NCALD: variants seen among roughly 807,000 people sequenced by gnomAD.
NCALD encodes the protein neurocalcin delta.
NCALD carries 10 observed loss-of-function variants against 18.6 expected under a neutral mutation model. That is an observed-to-expected ratio of 0.54 (90% CI 0.33 to 0.91). The LOEUF (loss-of-function observed/expected upper bound fraction) is 0.91, where lower values mean the gene tolerates loss of function less well. Ranked by LOEUF, NCALD falls within the 40% of genes least tolerant of loss-of-function variation. The pLI is 0.03. For missense variants in NCALD, 184 were observed against 247.6 expected, an observed-to-expected ratio of 0.74 and a Z score of 1.72; for synonymous variants, 88 against 87.4, an observed-to-expected ratio of 1.01 and a Z score of -0.04.
upstream of NCALD, among the ~76,000 whole-genome samples, chr8:101,793,184 A>G (rs894997512): frequency 3.3e-5 from 5 of 152,018 alleles, no homozygotes; most frequent in Non-Finnish European, 7.4e-5. Context: ...CCCCGTCTCT[A>G]TTAAAAATAC....
chr8:101,858,213 C>T (rs1337679204), intron 4 of NCALD, among the ~76,000 whole-genome samples: 1 of 152,068 alleles, frequency 6.6e-6, no homozygotes, highest in Non-Finnish European at 1.5e-5. Flanking sequence ...AGAGAGATAT[C>T]AACAAAATTT....
intron 1 of NCALD, among the ~76,000 whole-genome samples, chr8:101,745,424 TACTG>T (rs1266520643): frequency 8.5e-5 from 13 of 152,308 alleles, no homozygotes; most frequent in African/African-American, 3.1e-4. Flanking sequence ...GCTTCCCTCA[TACTG>T]TGTCAGGTTT....
At chr8:101,709,996 T>C (rs1815709287) in intron 2 of NCALD, among the ~76,000 whole-genome samples, 1 of 152,196 alleles carries the variant, frequency 6.6e-6, no homozygotes, top group African/African-American at 2.4e-5. Flanking sequence ...GACAGCCAAA[T>C]AGGAACAGCT....
rs780580730 is a variant in NCALD, at chr8:101,997,978, T to C, written c.-157+22259A>G. ...TAATTACATTTCACTCCAACAGAAA[T>C]AGCCCATTAGGACAATAAGAGCATT... On this transcript the variant is annotated intron_variant, in intron 2 of 6. Coordinates refer to the NCALD transcript ENST00000311028. Among the ~76,000 whole-genome samples, 3 of 152,274 alleles carry C rather than the reference T, an allele frequency of 2.0e-5. No homozygotes were observed. The East Asian group carries it at 5.8e-4, about 29-fold the overall frequency.
chr8:101,861,262 C>G (rs190648361), intron 4 of NCALD, among the ~76,000 whole-genome samples: 1 of 151,986 alleles, frequency 6.6e-6, no homozygotes, highest in Non-Finnish European at 1.5e-5. Flanking sequence ...TTTGGGTTGT[C>G]GGTGGAGCTG....
intron 2 of NCALD, among the ~76,000 whole-genome samples, chr8:101,949,745 A>G (rs1427670632): frequency 1.3e-5 from 2 of 150,368 alleles, no homozygotes; most frequent in African/African-American, 4.9e-5. Flanking sequence ...AAATCCAGCA[A>G]CTGAATGATC....
intron 1 of NCALD, among the ~76,000 whole-genome samples, chr8:102,104,969 A>G (rs1825399389): frequency 6.6e-6 from 1 of 152,230 alleles, no homozygotes; most frequent in South Asian, 2.1e-4. Context: ...GGGATTGTTC[A>G]GCGAACAGAT....
chr8:101,914,557 A>G (rs748377079), intron 3 of NCALD, among the ~76,000 whole-genome samples: 1 of 152,188 alleles, frequency 6.6e-6, no homozygotes, highest in Non-Finnish European at 1.5e-5. Context: ...AGTATCTTAC[A>G]TACATTATTT....
intron 2 of NCALD, among the ~76,000 whole-genome samples, chr8:101,979,087 G>A (rs1489178614): frequency 6.6e-6 from 1 of 152,162 alleles, no homozygotes. Flanking sequence ...TGCTCAGAGA[G>A]CCAAACCCCA....
At chr8:102,084,768 G>A (rs1824680921) in intron 1 of NCALD, among the ~76,000 whole-genome samples, 1 of 152,194 alleles carries the variant, frequency 6.6e-6, no homozygotes, top group Admixed American at 6.5e-5. Flanking sequence ...TTATCAGGAA[G>A]CAGCTGATCA....
chr8:102,060,833 G>A (rs568681554), intron 1 of NCALD, among the ~76,000 whole-genome samples: 2 of 152,230 alleles, frequency 1.3e-5, no homozygotes, highest in African/African-American at 4.8e-5. Context: ...CAAGTGGGAA[G>A]GCAGCTAAAA....
chr8:101,828,260 C>T (rs548453002), intron 4 of NCALD, among the ~76,000 whole-genome samples: 15 of 152,188 alleles, frequency 9.9e-5, no homozygotes, highest in African/African-American at 1.7e-4. Context: ...TCCCATCTCA[C>T]GTGGAATGAA....
chr8:101,896,754 C>T (rs990636294), intron 3 of NCALD, among the ~76,000 whole-genome samples: 16 of 133,124 alleles, frequency 1.2e-4, no homozygotes, highest in Non-Finnish European at 2.4e-4. Flanking sequence ...AGCCAAAAAA[C>T]ACATGAAAAA....
At chr8:101,737,605 A>G (rs996274534) in intron 1 of NCALD, among the ~76,000 whole-genome samples, 1 of 152,248 alleles carries the variant, frequency 6.6e-6, no homozygotes, top group Non-Finnish European at 1.5e-5. Flanking sequence ...CCTATAAAGG[A>G]AGCTCGGAGG....
At chr8:102,021,992 G>A (rs1822291565) in intron 1 of NCALD, among the ~76,000 whole-genome samples, 1 of 152,186 alleles carries the variant, frequency 6.6e-6, no homozygotes, top group Non-Finnish European at 1.5e-5. Flanking sequence ...TACAGAATTA[G>A]ATGATGTATT....
chr8:102,059,759 G>C (rs565113401), intron 1 of NCALD, among the ~76,000 whole-genome samples: 1 of 152,266 alleles, frequency 6.6e-6, no homozygotes, highest in African/African-American at 2.4e-5. Flanking sequence ...GGTGAGCCCT[G>C]AACACCCCAC....
intron 2 of NCALD, among the ~76,000 whole-genome samples, chr8:101,992,835 A>T (rs1462474068): frequency 6.6e-6 from 1 of 151,872 alleles, no homozygotes; most frequent in African/African-American, 2.4e-5. Context: ...CTTATCCTTT[A>T]CTGAGCTCTT....
chr8:101,776,003 T>A (rs574448268), intron 1 of NCALD, among the ~76,000 whole-genome samples: 5 of 152,320 alleles, frequency 3.3e-5, no homozygotes, highest in African/African-American at 1.2e-4. Context: ...GTTGGGGATG[T>A]GATGGGTACG....
At chr8:101,733,285 C>T (rs1255806512) in intron 1 of NCALD, among the ~76,000 whole-genome samples, 1 of 152,142 alleles carries the variant, frequency 6.6e-6, no homozygotes, top group East Asian at 1.9e-4. Flanking sequence ...ATTTCTTAAC[C>T]TCTTGCATCT....
Sources: allele counts gnomAD v4.1 joint callset (sites outside exome capture counted in the v4.1 genomes callset), GRCh38; gene constraint gnomAD v4.1.1; transcripts MANE v1.5; gene names NCBI Gene and HGNC (gene_info 2026-07-23, HGNC 2026-07-21).